NIBAN2: variants seen among roughly 807,000 people sequenced by gnomAD.
NIBAN2 encodes niban apoptosis regulator 2, also known as protein Niban 2.
NIBAN2 carries 36 observed loss-of-function variants against 81.8 expected under a neutral mutation model. The ratio of observed to expected loss-of-function variants is 0.44; its 90% CI spans 0.34 to 0.58. NIBAN2 has a LOEUF of 0.58. Ranked by LOEUF, NIBAN2 falls within the 20% of genes least tolerant of loss-of-function variation. The pLI, the probability that NIBAN2 is intolerant of heterozygous loss-of-function variation, is 0.02. For synonymous variants in NIBAN2, 445 were observed against 441.6 expected (o/e 1.01, Z -0.10); for missense variants, 897 against 1,014.1 (o/e 0.88, Z 1.57).
upstream of NIBAN2, among the ~76,000 whole-genome samples, chr9:127,573,814 C>T (rs4837168): frequency 0.028 from 4,240 of 152,150 alleles, 77 homozygotes; most frequent in Middle Eastern, 0.048. Context: ...CCTGCCACCA[C>T]GCCTGGCTAA....
intron 1 of NIBAN2, among the ~76,000 whole-genome samples, chr9:127,557,258 C>T (rs1427106420): frequency 1.3e-5 from 2 of 152,098 alleles, no homozygotes; most frequent in Non-Finnish European, 2.9e-5. Flanking sequence ...CACAGGACAG[C>T]CTGGAAGGGT....
upstream of NIBAN2, among the ~76,000 whole-genome samples, chr9:127,569,879 T>G (rs370050090): frequency 7.9e-5 from 12 of 152,302 alleles, no homozygotes; most frequent in East Asian, 2.3e-3. Flanking sequence ...ACTTTACAGT[T>G]TGCAAAAGAC....
intron 1 of NIBAN2, among the ~76,000 whole-genome samples, chr9:127,539,269 C>G (rs1487326083): frequency 2.6e-5 from 4 of 152,114 alleles, no homozygotes; most frequent in African/African-American, 7.2e-5. Context: ...AGCCCTACCC[C>G]GCAAAGCCTC....
chr9:127,557,840 T>C (rs2253112), intron 1 of NIBAN2, among the ~76,000 whole-genome samples: 43,286 of 152,094 alleles, frequency 0.28, 6,608 homozygotes, highest in African/African-American at 0.37. Flanking sequence ...ATTCAACCAG[T>C]TGGCTCAAAT....
At chr9:127,529,181 G>C (rs1290096268) in intron 2 of NIBAN2, among the ~76,000 whole-genome samples, 2 of 152,244 alleles carry the variant, frequency 1.3e-5, no homozygotes, top group Non-Finnish European at 2.9e-5. Flanking sequence ...AGGCCCCAAG[G>C]TCAGATAACT....
intron 4 of NIBAN2, chr9:127,524,676 C>A: frequency 5.7e-6 from 1 of 174,436 alleles, no homozygotes; most frequent in East Asian, 1.6e-4. Context: ...GTCCCTGGGG[C>A]ATGACCTGCC....
chr9:127,528,539 T>C (rs996920474), intron 2 of NIBAN2, among the ~76,000 whole-genome samples: 1 of 151,996 alleles, frequency 6.6e-6, no homozygotes, highest in East Asian at 1.9e-4. Context: ...CCCTTCACCA[T>C]GTCCCCCTCT....
At chr9:127,528,933 G>A (rs1037779734) in intron 2 of NIBAN2, among the ~76,000 whole-genome samples, 6 of 152,260 alleles carry the variant, frequency 3.9e-5, no homozygotes, top group Non-Finnish European at 8.8e-5. Context: ...AGGAGGCTGT[G>A]CAGAAGCAGG....
At position 127,525,772 on chromosome 9, in the gene NIBAN2, C is replaced by A. The variant is rs188965965; in HGVS notation, c.316-609G>T. 1.5e-3 allele frequency among the ~76,000 whole-genome samples: 234 copies of A among 152,336 alleles called. 1 individual carries two copies. The highest frequency in any genetic ancestry group is 4.0e-4 in the Non-Finnish European group (27 of 68,030). On this transcript the variant is annotated intron_variant, in intron 3 of 13. Coordinates refer to ENST00000373312, the MANE Select transcript of NIBAN2 (RefSeq NM_022833.4). ...AAGGTGGATCACCCCCAACTTCACA[C>A]AGTTGGGAAGTAGCAGATGTAGGAC... is the stretch of plus-strand genomic sequence containing the variant.
intron 2 of NIBAN2, among the ~76,000 whole-genome samples, chr9:127,530,656 G>C (rs1460459393): frequency 1.3e-5 from 2 of 152,242 alleles, no homozygotes; most frequent in Admixed American, 6.5e-5. Flanking sequence ...GATGGAGCCA[G>C]TGACAGTGCC....
rs1836600351 is a variant in NIBAN2, at chr9:127,506,644, A to C, written c.*201T>G. On this transcript the variant is annotated 3_prime_UTR_variant, in exon 14 of 14. Coordinates refer to ENST00000373312, the MANE Select transcript of NIBAN2 (RefSeq NM_022833.4). Reference sequence around the variant, plus strand: ...GCCCCTGCATCTGAGATCATCCCACAGAAGAGAAAACAGGGAGCAAGAAAG... The same window carrying C: ...GCCCCTGCATCTGAGATCATCCCACCGAAGAGAAAACAGGGAGCAAGAAAG... 2.2e-6 allele frequency: 1 copy of C among 460,538 alleles called. No homozygotes were observed. The highest frequency in any genetic ancestry group is 5.8e-5 in the South Asian group (1 of 17,354). The allele number at this position is 460,538 out of a possible 1,614,324, so 28.5% of individuals were successfully genotyped here.
At position 127,508,505 on chromosome 9, in the gene NIBAN2, G is replaced by C. The variant is rs1306212988; in HGVS notation, c.1351C>G (p.Leu451Val). 3.1e-6 allele frequency: 5 copies of C among 1,613,850 alleles called. No homozygotes were observed. Among genetic ancestry groups the C allele is most frequent in the Non-Finnish European group, 3.4e-6 (4 of 1,180,010 alleles). The change falls in exon 11 of 14, where the codon CTC becomes GTC. Residue 451 changes from leucine (L) to valine (V), a missense_variant. By Grantham distance (32) the Leu-to-Val change is conservative (BLOSUM62 1). Around this residue, in one of 3 missense-constraint regions of NIBAN2, gnomAD observed 619 missense variants for 691.0 expected, o/e 0.90. Coordinates refer to ENST00000373312, the MANE Select transcript of NIBAN2 (RefSeq NM_022833.4). This position sits in a 1 kb window ranked among gnomAD's most constrained non-coding sequence, Gnocchi z 6.4. ...MDNAVYTFET[L>V]LHQELGKGPT... The stretch of plus-strand genomic sequence containing the variant: ...CCCTTCCCCAGCTCCTGGTGCAGGA[G>C]GGTCTCGAACGTATACACGGCATTG...
At chr9:127,526,411 A>AG (rs1199464009) in intron 3 of NIBAN2, among the ~76,000 whole-genome samples, 4 of 151,424 alleles carry the variant, frequency 2.6e-5, no homozygotes, top group Non-Finnish European at 4.4e-5. Context: ...AAAAAAAAAA[A>AG]AAAAGAAAAA....
intron 1 of NIBAN2, among the ~76,000 whole-genome samples, chr9:127,567,404 C>T (rs577499950): frequency 2.0e-4 from 30 of 152,296 alleles, no homozygotes; most frequent in African/African-American, 6.5e-4. Flanking sequence ...CTTAACCCCA[C>T]GCTGGTCAGA....
rs1007154210 is a variant in NIBAN2, at chr9:127,511,108, G to C, written c.974-775C>G. 1.3e-5 allele frequency among the ~76,000 whole-genome samples: 2 copies of C among 151,984 alleles called. 1 individual carries two copies. The highest frequency in any genetic ancestry group is 4.1e-4 in the South Asian group (2 of 4,822). Reference sequence around the variant, plus strand: ...CGCCCAGTCTGGAATGTAATGGCACGATCTCAGCTCACTGCAACCACTGCC... The same window carrying C: ...CGCCCAGTCTGGAATGTAATGGCACCATCTCAGCTCACTGCAACCACTGCC... On this transcript the variant is annotated intron_variant, in intron 8 of 13. Coordinates refer to ENST00000373312, the MANE Select transcript of NIBAN2 (RefSeq NM_022833.4).
rs1020071580 is a variant in NIBAN2 at position 127,517,321 on chromosome 9, C to T, written c.706-105G>A. ...AGGCCGCTGCAGCCCCCACCTCCTC[C>T]GCGACTGGCCCATTGCTTCACCCTC... On this transcript the variant is annotated intron_variant, in intron 6 of 13. Coordinates refer to ENST00000373312, the MANE Select transcript of NIBAN2 (RefSeq NM_022833.4). The surrounding 1 kb of genome is among the most constrained non-coding windows in gnomAD (Gnocchi z 4.0). The T allele has an allele frequency of 3.1e-5, 27 of 883,976 alleles. No homozygotes were observed. The highest frequency in any genetic ancestry group is 3.4e-4 in the Middle Eastern group (1 of 2,974). 54.8% of individuals were successfully genotyped at this position (883,976 alleles called of 1,614,324 possible).
At chr9:127,516,780 T>C (rs893044660) in intron 8 of NIBAN2, 77 bp downstream of exon 8, 61 of 1,437,286 alleles carry the variant, frequency 4.2e-5, no homozygotes, top group Non-Finnish European at 5.6e-5. Context: ...GCTGTGAAAT[T>C]TACATGAATC....
In NIBAN2 at chr9:127,518,082, G is replaced by A. The variant is rs184608439; in HGVS notation, c.590-141C>T. The A allele has an allele frequency of 4.4e-4, 261 of 596,072 alleles. No homozygotes were observed. The African/African-American group carries it at 4.5e-3, about 10-fold the overall frequency. 36.9% of individuals were successfully genotyped at this position (596,072 alleles called of 1,614,324 possible). A position where few individuals can be genotyped will look rare whatever the true frequency, so the allele number is the denominator to read the frequency against. On this transcript the variant is annotated intron_variant, in intron 5 of 13. Coordinates refer to ENST00000373312, the MANE Select transcript of NIBAN2 (RefSeq NM_022833.4). ...GGCAGCTGGGACCCTCACTTTCCTCGTCATCAGAGCAGTCATGGTTGTATC... is the reference window on the plus strand; with the variant it reads ...GGCAGCTGGGACCCTCACTTTCCTCATCATCAGAGCAGTCATGGTTGTATC...
intron 1 of NIBAN2, among the ~76,000 whole-genome samples, chr9:127,565,595 C>T (rs983709683): frequency 2.0e-5 from 3 of 151,388 alleles, no homozygotes; most frequent in Non-Finnish European, 4.4e-5. Flanking sequence ...GAGTTCGAGA[C>T]CAGCCTGACC....
Sources: gnomAD v4.1 joint callset for allele counts (sites outside exome capture counted in the v4.1 genomes callset) on GRCh38, gnomAD v4.1.1 for gene constraint, gnomAD v4.1.1 regional missense constraint, Gnocchi (gnomAD v3.1) non-coding constraint, MANE v1.5 for transcripts, NCBI Gene and HGNC (gene_info 2026-07-23, HGNC 2026-07-21) for gene names.